MS4A1: variants seen among roughly 807,000 people sequenced by gnomAD.
The protein encoded by MS4A1 is B-lymphocyte antigen CD20.
A neutral mutation model predicts 26.5 loss-of-function variants in MS4A1; 16 were observed. The observed-to-expected ratio is 0.60, with a 90% CI of 0.41 to 0.92. The LOEUF is 0.92. Among genes scored for constraint, MS4A1 ranks in the 40% least tolerant of loss-of-function variants. The pLI is 0.00. For synonymous variants in MS4A1, 128 were observed against 117.6 expected (o/e 1.09, Z -0.57); for missense variants, 350 against 353.0 (o/e 0.99, Z 0.07).
Position 60,466,016 on chromosome 11 carries a change from C to T in MS4A1, c.432C>T (p.Ser144=). The change falls in exon 6 of 8, where the codon TCC becomes TCT. Residue 144 remains serine (S), a synonymous_variant. Coordinates refer to ENST00000345732, the MANE Select transcript of MS4A1 (RefSeq NM_152866.3). The part of the protein sequence containing the change: ...SIMDILNIKI[S]HFLKMESLNF... ...TGGACATACTTAATATTAAAATTTC[C>T]CATTTTTTAAAAATGGAGAGTCTGA... 6.2e-7 allele frequency: 1 copy of T among 1,613,588 alleles called. No individual in the cohort carries two copies. Among genetic ancestry groups the T allele is most frequent in the South Asian group, 1.1e-5 (1 of 91,038 alleles).
At chr11:60,465,390 G>A (rs1435802265) in intron 5 of MS4A1, among the ~76,000 whole-genome samples, 1 of 152,176 alleles carries the variant, frequency 6.6e-6, no homozygotes, top group Non-Finnish European at 1.5e-5. Context: ...AATAGATGTT[G>A]TTACTGTTGT....
chr11:60,462,161 C>A, intron 2 of MS4A1, 24 bp from the exon 3 acceptor site: 1 of 660,840 alleles, frequency 1.5e-6, no homozygotes, highest in Non-Finnish European at 2.8e-6. Context: ...TCTTCCTAAA[C>A]AACCCCTCCA....
chr11:60,464,351 A>C lies in MS4A1; in HGVS notation c.336+7A>C. The stretch of plus-strand genomic sequence containing the variant: ...AAACTCCAGGAAGTGTTTGGCAAGT[A>C]ACCATATGTCCTTCTTTCCCACATG... On this transcript the variant is annotated splice_region_variant and intron_variant, in intron 5 of 7. Coordinates refer to ENST00000345732, the MANE Select transcript of MS4A1 (RefSeq NM_152866.3). The C allele has an allele frequency of 6.2e-7, 1 of 1,612,854 alleles. No individual in the cohort carries two copies. Among genetic ancestry groups the C allele is most frequent in the Non-Finnish European group, 8.5e-7 (1 of 1,179,110 alleles).
At chr11:60,458,857 TA>T (rs36092420) in intron 1 of MS4A1, among the ~76,000 whole-genome samples, 97,474 of 151,840 alleles carry the variant, frequency 0.64, 31,368 homozygotes, top group Admixed American at 0.7. Context: ...CCATAAGAAA[TA>T]AAAAAACAGA....
intron 2 of MS4A1, 107 bp from the exon 3 acceptor site, chr11:60,462,078 T>C: frequency 2.1e-6 from 1 of 471,252 alleles, no homozygotes; most frequent in Non-Finnish European, 3.9e-6. Flanking sequence ...ATGCAAGGTG[T>C]CCTCTACAAA....
At chr11:60,467,184 G>T in intron 7 of MS4A1, 124 bp downstream of exon 7, 1 of 796,354 alleles carries the variant, frequency 1.3e-6, no homozygotes, top group South Asian at 1.5e-5. Context: ...AAAAAAAATT[G>T]GTCTTGGCAT....
At chr11:60,466,265 A>G (rs2086290958) in intron 6 of MS4A1, 108 bp downstream of exon 6, 11 of 917,590 alleles carry the variant, frequency 1.2e-5, no homozygotes, top group Non-Finnish European at 1.8e-5. Context: ...TTTGCTAGTT[A>G]CTGTCTGTGT....
intron 5 of MS4A1, 53 bp from the exon 6 acceptor site, chr11:60,465,868 T>C: frequency 7.1e-7 from 1 of 1,409,426 alleles, no homozygotes; most frequent in Non-Finnish European, 1.0e-6. Flanking sequence ...TCCCAGATTA[T>C]GTTTTCCAAA....
In MS4A1 at chr11:60,469,745, G is replaced by A. The variant is rs1331929084; in HGVS notation, c.*1277G>A. On this transcript the variant is annotated 3_prime_UTR_variant, in exon 8 of 8. Coordinates refer to ENST00000345732, the MANE Select transcript of MS4A1 (RefSeq NM_152866.3). ...ACAATGTAATTAAAATGCCGAATCT[G>A]AGTCAACAGCTGCCCTACTTTTCAA... 1 of 152,086 alleles carries A rather than the reference G, an allele frequency of 6.6e-6. No homozygotes were observed. Among genetic ancestry groups the A allele is most frequent in the African/African-American group, 2.4e-5 (1 of 41,420 alleles). 9.4% of individuals were successfully genotyped at this position (152,086 alleles called of 1,614,324 possible).
At chr11:60,456,061 TTCC>T in intron 1 of MS4A1, 116 bp downstream of exon 1, 1 of 152,236 alleles carries the variant, frequency 6.6e-6, no homozygotes, top group Non-Finnish European at 1.5e-5. Flanking sequence ...CTAGTCAGAC[TTCC>T]TAATAGTTCT....
chr11:60,465,779 G>C, intron 5 of MS4A1, 142 bp from the exon 6 acceptor site: 1 of 682,028 alleles, frequency 1.5e-6, no homozygotes, highest in Non-Finnish European at 2.6e-6. Flanking sequence ...TGACAAAGAG[G>C]CTAAAAACAA....
intron 5 of MS4A1, among the ~76,000 whole-genome samples, chr11:60,465,514 ACTT>A (rs145631558): frequency 5.2e-4 from 79 of 152,280 alleles, no homozygotes; most frequent in African/African-American, 1.9e-3. Context: ...GATACAAGAA[ACTT>A]CTTCACTCTC....
rs150125040 is a variant in MS4A1 at position 60,463,661 on chromosome 11, G to A, written c.279+540G>A. 3.8e-4 allele frequency: 142 copies of A among 378,242 alleles called. 2 individuals are homozygous for A. The East Asian group carries it at 5.9e-3, about 16-fold the overall frequency. 23.4% of individuals were successfully genotyped at this position (378,242 alleles called of 1,614,324 possible). A position where few individuals can be genotyped will look rare whatever the true frequency, so the allele number is the denominator to read the frequency against. On this transcript the variant is annotated intron_variant, in intron 4 of 7. Coordinates refer to ENST00000345732, the MANE Select transcript of MS4A1 (RefSeq NM_152866.3). Reference sequence around the variant, plus strand: ...ATAGGACAGTGATGTTTATTTCCCCGTGATACTTTTCATAGTTGCCACTAT... The same window carrying A: ...ATAGGACAGTGATGTTTATTTCCCCATGATACTTTTCATAGTTGCCACTAT...
At position 60,469,006 on chromosome 11, in the gene MS4A1, T is replaced by TA. The variant is rs1464032769; in HGVS notation, c.*539dup. 3 of 157,080 alleles carry TA rather than the reference T, an allele frequency of 1.9e-5. No homozygotes were observed. The highest frequency in any genetic ancestry group is 7.2e-5 in the African/African-American group (3 of 41,476). 9.7% of individuals were successfully genotyped at this position (157,080 alleles called of 1,614,324 possible). On this transcript the variant is annotated 3_prime_UTR_variant, in exon 8 of 8. Transcript: ENST00000345732. Reference sequence around the variant, plus strand: ...CAGGGCTGACATTGTGGCACATTCTTAGAGTTACCACACCCCATGAGGGAA... The same window carrying TA: ...CAGGGCTGACATTGTGGCACATTCTTAAGAGTTACCACACCCCATGAGGGAA...
intron 7 of MS4A1, 137 bp downstream of exon 7, chr11:60,467,197 T>A (rs2086299559): frequency 1.4e-6 from 1 of 730,154 alleles, no homozygotes; most frequent in Non-Finnish European, 2.4e-6. Flanking sequence ...CTTGGCATAT[T>A]TCTAGAAAGC....
intron 4 of MS4A1, 38 bp downstream of exon 4, chr11:60,463,159 A>G: frequency 6.2e-7 from 1 of 1,613,940 alleles, no homozygotes; most frequent in Non-Finnish European, 8.5e-7. Flanking sequence ...GAAATGGTGC[A>G]GACAAAAATG....
chr11:60,466,550 C>A, intron 6 of MS4A1: 2 of 315,306 alleles, frequency 6.3e-6, no homozygotes, highest in Non-Finnish European at 5.9e-6. Context: ...TATCTTTTGC[C>A]CAAGGACTTT....
chr11:60,465,219 T>C (rs1336669577), intron 5 of MS4A1, among the ~76,000 whole-genome samples: 1 of 152,254 alleles, frequency 6.6e-6, no homozygotes, highest in East Asian at 1.9e-4. Context: ...CATATCATTA[T>C]GGTACTTGTT....
intron 7 of MS4A1, 34 bp from the exon 8 acceptor site, chr11:60,468,216 A>C (rs1333626073): frequency 1.3e-6 from 2 of 1,517,508 alleles, no homozygotes; most frequent in East Asian, 2.3e-5. Flanking sequence ...CAGTGGTAAA[A>C]GTAAAGAATG....
Sources: gnomAD v4.1 joint callset for allele counts (sites outside exome capture counted in the v4.1 genomes callset) on GRCh38, gnomAD v4.1.1 for gene constraint, MANE v1.5 for transcripts, NCBI Gene and HGNC (gene_info 2026-07-23, HGNC 2026-07-21) for gene names.